The following AGBL4 variants were observed in gnomAD, a reference collection of about 807,000 sequenced individuals.
The protein encoded by AGBL4 is AGBL carboxypeptidase 4, also known as cytosolic carboxypeptidase 6.
A neutral mutation model predicts 66.4 loss-of-function variants in AGBL4; 58 were observed. The ratio of observed to expected loss-of-function variants is 0.87; its 90% CI spans 0.71 to 1.09. AGBL4 has a LOEUF of 1.09. AGBL4 is among the 50% of genes least tolerant of loss of function. The pLI, the probability that AGBL4 is intolerant of heterozygous loss-of-function variation, is 0.00. For missense variants in AGBL4, 579 were observed against 631.0 expected (o/e 0.92, Z 0.88); for synonymous variants, 234 against 222.9 (o/e 1.05, Z -0.44).
intron 1 of AGBL4, among the ~76,000 whole-genome samples, chr1:49,948,114 GTATGTAAATATATATAAATA>G (rs1290270144): frequency 3.0e-4 from 23 of 76,622 alleles, no homozygotes; most frequent in South Asian, 2.7e-3. Flanking sequence ...ATATGTAAAT[GTATGTAAATATATATAAATA>G]TATGTAAATA....
At chr1:49,729,073 T>G (rs1649240055) in intron 2 of AGBL4, among the ~76,000 whole-genome samples, 1 of 152,134 alleles carries the variant, frequency 6.6e-6, no homozygotes. Flanking sequence ...TTAAACCTTA[T>G]CTAAGAGCTG....
At chr1:49,912,265 A>G (rs1267451378) in intron 1 of AGBL4, among the ~76,000 whole-genome samples, 1 of 152,118 alleles carries the variant, frequency 6.6e-6, no homozygotes. Context: ...TCTCTAGCCT[A>G]TATCCCACAG....
chr1:49,922,912 C>T (rs560249624), intron 1 of AGBL4, among the ~76,000 whole-genome samples: 72 of 152,136 alleles, frequency 4.7e-4, no homozygotes, highest in Non-Finnish European at 6.8e-4. Context: ...AGATTTGATG[C>T]TATTCCTATT....
In AGBL4 at chr1:48,809,679, G is replaced by C. The variant is rs1330731314; in HGVS notation, c.634+57512C>G. ...AATAGAACCTCATTTGTGCCTGCAGGCTGTTCAATTTCTCCAGGTCTGGGG... is the reference window on the plus strand; with the variant it reads ...AATAGAACCTCATTTGTGCCTGCAGCCTGTTCAATTTCTCCAGGTCTGGGG... On this transcript the variant is annotated intron_variant, in intron 6 of 13. Transcript: ENST00000371839. 2.6e-5 allele frequency among the ~76,000 whole-genome samples: 4 copies of C among 152,090 alleles called. No individual in the cohort carries two copies. In the East Asian group the frequency reaches 7.7e-4, roughly 29 times the overall value.
chr1:48,706,309 A>C (rs2148512259), intron 6 of AGBL4, among the ~76,000 whole-genome samples: 1 of 152,310 alleles, frequency 6.6e-6, no homozygotes, highest in East Asian at 1.9e-4. Flanking sequence ...TTACTTAATG[A>C]CATGTAACAA....
chr1:49,207,314 C>T (rs1648229824), intron 4 of AGBL4, among the ~76,000 whole-genome samples: 1 of 151,970 alleles, frequency 6.6e-6, no homozygotes, highest in Admixed American at 6.6e-5. Context: ...GAATGATGCT[C>T]CTTTGAGGGA....
rs985585061 is a variant in AGBL4 at position 48,554,242 on chromosome 1, A to C, written c.1268-14504T>G. Among the ~76,000 whole-genome samples the C allele has an allele frequency of 1.1e-4, 16 of 152,198 alleles. 1 individual carries two copies. Among genetic ancestry groups the C allele is most frequent in the Non-Finnish European group, 4.4e-5 (3 of 68,038 alleles). On this transcript the variant is annotated intron_variant, in intron 11 of 13. Coordinates refer to ENST00000371839, the MANE Select transcript of AGBL4 (RefSeq NM_032785.4). ...CCCTGATTAGGCCTGAATCTGAAGC[A>C]CTTACATGGATTAATGGAATGAGCA...
chr1:48,603,338 T>C (rs1645103911), intron 9 of AGBL4, among the ~76,000 whole-genome samples: 1 of 152,036 alleles, frequency 6.6e-6, no homozygotes, highest in Admixed American at 6.6e-5. Context: ...AGTGTGGTAG[T>C]GCATGCCTGT....
chr1:49,337,672 C>T (rs932950980), intron 3 of AGBL4, among the ~76,000 whole-genome samples: 3 of 152,182 alleles, frequency 2.0e-5, no homozygotes, highest in African/African-American at 7.2e-5. Flanking sequence ...AGGGCAGCAA[C>T]TATGATATTT....
At chr1:49,479,640 C>CT (rs538120456) in intron 3 of AGBL4, among the ~76,000 whole-genome samples, 4 of 150,776 alleles carry the variant, frequency 2.7e-5, no homozygotes, top group South Asian at 4.2e-4. Context: ...CGATCTCTTT[C>CT]TTTTTTTTAT....
At chr1:49,232,784 T>C (rs1445208945) in intron 4 of AGBL4, among the ~76,000 whole-genome samples, 1 of 151,506 alleles carries the variant, frequency 6.6e-6, no homozygotes, top group Non-Finnish European at 1.5e-5. Flanking sequence ...CATAAATAAA[T>C]TTAAAATTAT....
intron 1 of AGBL4, among the ~76,000 whole-genome samples, chr1:49,880,704 G>T (rs536112070): frequency 3.9e-5 from 6 of 152,158 alleles, no homozygotes; most frequent in African/African-American, 1.4e-4. Context: ...TGAGCTTCCC[G>T]GCTGCTTTGT....
At chr1:49,792,969 A>C (rs1644638904) in intron 2 of AGBL4, among the ~76,000 whole-genome samples, 1 of 152,098 alleles carries the variant, frequency 6.6e-6, no homozygotes, top group South Asian at 2.1e-4. Flanking sequence ...GGTTAGACTA[A>C]GGAGAAATTA....
chr1:48,684,625 C>G (rs1646502593), intron 6 of AGBL4, among the ~76,000 whole-genome samples: 1 of 152,152 alleles, frequency 6.6e-6, no homozygotes, highest in African/African-American at 2.4e-5. Context: ...CCACTTATGC[C>G]TAACATTGTG....
chr1:49,755,788 C>T (rs1207341827), intron 2 of AGBL4, among the ~76,000 whole-genome samples: 1 of 152,236 alleles, frequency 6.6e-6, no homozygotes, highest in Non-Finnish European at 1.5e-5. Flanking sequence ...TTAGGCAACA[C>T]TTCATCACTT....
intron 9 of AGBL4, among the ~76,000 whole-genome samples, chr1:48,596,545 T>A (rs983421264): frequency 1.3e-4 from 20 of 152,180 alleles, no homozygotes; most frequent in Admixed American, 1.0e-3. Flanking sequence ...TTCTTTAATA[T>A]CAACCAAGCA....
chr1:49,646,487 T>G (rs1377515841), intron 3 of AGBL4, among the ~76,000 whole-genome samples: 1 of 151,910 alleles, frequency 6.6e-6, no homozygotes, highest in Non-Finnish European at 1.5e-5. Flanking sequence ...AAAATATGTA[T>G]AAGACCTATA....
intron 4 of AGBL4, among the ~76,000 whole-genome samples, chr1:49,071,824 G>C (rs1263045702): frequency 6.6e-6 from 1 of 150,392 alleles, no homozygotes; most frequent in African/African-American, 2.5e-5. Flanking sequence ...TTGTTGATGT[G>C]TCTAATATTG....
At chr1:49,648,520 G>A (rs889480449) in intron 3 of AGBL4, among the ~76,000 whole-genome samples, 10 of 151,944 alleles carry the variant, frequency 6.6e-5, no homozygotes, top group Admixed American at 5.9e-4. Flanking sequence ...GAGGCTCACA[G>A]AACACCAAGC....
Sources: allele counts gnomAD v4.1 joint callset (sites outside exome capture counted in the v4.1 genomes callset), GRCh38; gene constraint gnomAD v4.1.1; transcripts MANE v1.5; gene names NCBI Gene and HGNC (gene_info 2026-07-23, HGNC 2026-07-21).